Variants in PPP3CA observed in about 807,000 individuals in gnomAD.
The protein encoded by PPP3CA is protein phosphatase 3 catalytic subunit alpha.
PPP3CA carries 14 observed loss-of-function variants against 66.5 expected under a neutral mutation model. The ratio of observed to expected loss-of-function variants is 0.21; its 90% CI spans 0.14 to 0.33. The LOEUF (loss-of-function observed/expected upper bound fraction) is 0.33. Ranked by LOEUF, PPP3CA falls within the 10% of genes least tolerant of loss-of-function variation. The pLI is 1.00. For synonymous variants in PPP3CA, 232 were observed against 226.2 expected, an observed-to-expected ratio of 1.03 and a Z score of -0.23; for missense variants, 317 against 639.5, an observed-to-expected ratio of 0.50 and a Z score of 5.44.
chr4:101,045,853 C>T (rs1386262068), intron 10 of PPP3CA, among the ~76,000 whole-genome samples: 1 of 152,122 alleles, frequency 6.6e-6, no homozygotes, highest in Non-Finnish European at 1.5e-5. Context: ...TGTGATAAAG[C>T]AAATATAGTC....
At chr4:101,127,913 G>T (rs1229286740) in intron 2 of PPP3CA, among the ~76,000 whole-genome samples, 1 of 152,150 alleles carries the variant, frequency 6.6e-6, no homozygotes, top group Non-Finnish European at 1.5e-5. Context: ...TTAAGCAATT[G>T]TCCAAGCTGA....
rs747271951 is a variant in PPP3CA, at chr4:101,099,725, G to A, written c.385-3C>T. 7.0e-6 allele frequency: 10 copies of A among 1,426,216 alleles called. No homozygotes were observed. The East Asian group carries it at 1.2e-4, about 18-fold the overall frequency. The allele number at this position is 1,426,216 out of a possible 1,614,324, so 88.3% of individuals were successfully genotyped here. A position where few individuals can be genotyped will look rare whatever the true frequency, so the allele number is the denominator to read the frequency against. On this transcript the variant is annotated splice_region_variant and splice_polypyrimidine_tract_variant and intron_variant, in intron 3 of 13. Coordinates refer to ENST00000394854, the MANE Select transcript of PPP3CA (RefSeq NM_000944.5). The stretch of plus-strand genomic sequence containing the variant: ...AAGGCCCACAAATACAGCACACACT[G>A]AGAAAAATAAAAATAATATAAAAAT...
intron 1 of PPP3CA, among the ~76,000 whole-genome samples, chr4:101,196,700 C>T (rs765478711): frequency 3.3e-4 from 50 of 152,172 alleles, no homozygotes; most frequent in Non-Finnish European, 5.9e-4. Flanking sequence ...TATGCTCTCA[C>T]TGAAGGGACC....
intron 3 of PPP3CA, among the ~76,000 whole-genome samples, chr4:101,105,790 T>C (rs1730640391): frequency 6.6e-6 from 1 of 152,176 alleles, no homozygotes; most frequent in African/African-American, 2.4e-5. Context: ...TTGTGAAAAG[T>C]CACAAATGTT....
At chr4:101,298,448 A>T (rs115007255) in intron 1 of PPP3CA, among the ~76,000 whole-genome samples, 6 of 151,926 alleles carry the variant, frequency 3.9e-5, no homozygotes, top group Non-Finnish European at 7.4e-5. Context: ...CAGAGTATGC[A>T]TGCCTCCCCT....
intron 1 of PPP3CA, among the ~76,000 whole-genome samples, chr4:101,280,230 T>C (rs777588105): frequency 2.0e-5 from 3 of 152,040 alleles, no homozygotes; most frequent in Non-Finnish European, 4.4e-5. Flanking sequence ...AGTAGCCAGA[T>C]TGAGAATAGT....
At chr4:101,186,166 T>C (rs1724403675) in intron 2 of PPP3CA, among the ~76,000 whole-genome samples, 1 of 152,112 alleles carries the variant, frequency 6.6e-6, no homozygotes, top group Admixed American at 6.6e-5. Flanking sequence ...ACTAAGAAAT[T>C]GTTATAAAGA....
intron 12 of PPP3CA, 96 bp downstream of exon 12, chr4:101,032,171 C>T: frequency 1.0e-6 from 1 of 983,800 alleles, no homozygotes. Context: ...GAACCGAAGA[C>T]CAAGACAGAG....
chr4:101,063,260 A>G lies in PPP3CA; in HGVS notation c.1053T>C (p.Thr351=), dbSNP rs773096617. Reference sequence around the variant, plus strand: ...TTTCCCCAACAAATGGAAGGGACCAAGTAAAAACATCCATGAAATTTGGAA... The same window carrying G: ...TTTCCCCAACAAATGGAAGGGACCAGGTAAAAACATCCATGAAATTTGGAA... ...YWLPNFMDVF[T]WSLPFVGEKV... is the part of the protein sequence containing the mutation. The change falls in exon 9 of 14, where the codon ACT becomes ACC. Residue 351 remains threonine (T), a synonymous_variant. Transcript: ENST00000394854. The G allele has an allele frequency of 1.2e-6, 2 of 1,611,660 alleles. No individual in the cohort carries two copies. Among genetic ancestry groups the G allele is most frequent in the Non-Finnish European group, 1.7e-6 (2 of 1,178,498 alleles).
intron 1 of PPP3CA, among the ~76,000 whole-genome samples, chr4:101,284,645 C>A (rs1727779858): frequency 6.6e-6 from 1 of 152,016 alleles, no homozygotes; most frequent in African/African-American, 2.4e-5. Context: ...CCTTCCTACT[C>A]CCCACCCCCA....
chr4:101,346,221 T>G (rs537015994), intron 1 of PPP3CA, among the ~76,000 whole-genome samples: 43 of 151,050 alleles, frequency 2.8e-4, no homozygotes, highest in African/African-American at 1.0e-3. Context: ...CGGAGGGAAT[T>G]GCTGCAATGG....
At chr4:101,078,115 T>C (rs1169421280) in intron 8 of PPP3CA, among the ~76,000 whole-genome samples, 1 of 152,152 alleles carries the variant, frequency 6.6e-6, no homozygotes, top group African/African-American at 2.4e-5. Context: ...GGACATTTCC[T>C]TCCCTCAGTT....
intron 1 of PPP3CA, among the ~76,000 whole-genome samples, chr4:101,265,866 A>G (rs1201254589): frequency 6.6e-6 from 1 of 152,202 alleles, no homozygotes; most frequent in Non-Finnish European, 1.5e-5. Context: ...ATAGAGGGGA[A>G]TAAACATAGA....
At chr4:101,312,953 A>G (rs1440436897) in intron 1 of PPP3CA, among the ~76,000 whole-genome samples, 2 of 152,216 alleles carry the variant, frequency 1.3e-5, no homozygotes, top group Non-Finnish European at 2.9e-5. Flanking sequence ...AAAATGCACA[A>G]TAAAATACAA....
intron 1 of PPP3CA, among the ~76,000 whole-genome samples, chr4:101,258,585 C>T (rs1391885329): frequency 1.3e-5 from 2 of 152,114 alleles, no homozygotes; most frequent in Non-Finnish European, 2.9e-5. Flanking sequence ...CATAATCCTC[C>T]TGAGGAATTT....
At chr4:101,342,984 G>A (rs1408782491) in intron 1 of PPP3CA, among the ~76,000 whole-genome samples, 2 of 152,026 alleles carry the variant, frequency 1.3e-5, no homozygotes, top group Non-Finnish European at 2.9e-5. Context: ...TGTGTACTCT[G>A]TCTACATGAA....
intron 2 of PPP3CA, among the ~76,000 whole-genome samples, chr4:101,187,095 C>T (rs527341536): frequency 5.9e-5 from 9 of 152,200 alleles, no homozygotes; most frequent in African/African-American, 1.9e-4. Flanking sequence ...ACACAAAATG[C>T]TAATTTAGAG....
At chr4:101,046,772 C>T (rs1560576847) in intron 10 of PPP3CA, among the ~76,000 whole-genome samples, 1 of 152,028 alleles carries the variant, frequency 6.6e-6, no homozygotes, top group Non-Finnish European at 1.5e-5. Context: ...TTTTGCCAAA[C>T]AGAGCAATTA....
chr4:101,106,460 GAAAAGA>G (rs1560605228), intron 3 of PPP3CA, among the ~76,000 whole-genome samples: 489 of 23,464 alleles, frequency 0.021, 89 homozygotes, highest in Middle Eastern at 0.065. Flanking sequence ...AAAGAGAAAA[GAAAAGA>G]AAAGAAAAGA....
Sources: gnomAD v4.1 joint callset for allele counts (sites outside exome capture counted in the v4.1 genomes callset) on GRCh38, gnomAD v4.1.1 for gene constraint, MANE v1.5 for transcripts, NCBI Gene and HGNC (gene_info 2026-07-23, HGNC 2026-07-21) for gene names.